The following GALNTL6 variants were observed in gnomAD, a reference collection of about 807,000 sequenced individuals.
The protein encoded by GALNTL6 is polypeptide N-acetylgalactosaminyltransferase-like 6.
Under a neutral mutation model 73.7 loss-of-function variants are expected in GALNTL6, and 46 were observed. The ratio of observed to expected loss-of-function variants is 0.62; its 90% confidence interval spans 0.49 to 0.80. GALNTL6 has a LOEUF of 0.80. GALNTL6 is among the 30% of genes least tolerant of loss of function. The pLI, the probability that GALNTL6 is intolerant of heterozygous loss-of-function variation, is 0.00. For missense variants in GALNTL6, 604 were observed against 755.0 expected (o/e 0.80, Z 2.34); for synonymous variants, 259 against 263.7 (o/e 0.98, Z 0.17).
intron 10 of GALNTL6, among the ~76,000 whole-genome samples, chr4:172,970,187 A>G (rs1299430059): frequency 6.6e-6 from 1 of 152,232 alleles, no homozygotes; most frequent in African/African-American, 2.4e-5. Context: ...GCAAGATCAC[A>G]AGGCAAGGGC....
At chr4:172,658,340 G>A (rs1205000285) in intron 5 of GALNTL6, among the ~76,000 whole-genome samples, 3 of 148,928 alleles carry the variant, frequency 2.0e-5, no homozygotes, top group African/African-American at 4.9e-5. Context: ...GGTGGCGGAC[G>A]CCTGTATTCC....
At chr4:172,047,582 ATAAAAG>A (rs1443711834) in intron 2 of GALNTL6, among the ~76,000 whole-genome samples, 6 of 152,318 alleles carry the variant, frequency 3.9e-5, no homozygotes, top group Admixed American at 3.3e-4. Flanking sequence ...TGCAGATTTA[ATAAAAG>A]TAAATTACTA....
chr4:172,670,711 A>G (rs1052064979), intron 5 of GALNTL6, among the ~76,000 whole-genome samples: 1 of 152,166 alleles, frequency 6.6e-6, no homozygotes, highest in African/African-American at 2.4e-5. Context: ...CATCTTCATT[A>G]TAAAATTTTT....
intron 5 of GALNTL6, among the ~76,000 whole-genome samples, chr4:172,407,455 T>C (rs1001324222): frequency 3.3e-5 from 5 of 152,132 alleles, no homozygotes; most frequent in African/African-American, 9.6e-5. Context: ...CTTATATTAA[T>C]GTCTACTATG....
At chr4:171,931,204 C>T (rs1738174461) in intron 2 of GALNTL6, among the ~76,000 whole-genome samples, 1 of 152,162 alleles carries the variant, frequency 6.6e-6, no homozygotes. Context: ...TTTTTAGAGA[C>T]AGGGCCTCAT....
At chr4:172,947,912 A>T (rs978235255) in intron 9 of GALNTL6, among the ~76,000 whole-genome samples, 1 of 152,228 alleles carries the variant, frequency 6.6e-6, no homozygotes, top group African/African-American at 2.4e-5. Flanking sequence ...TAAAAGACCA[A>T]TGAAACTCTC....
At chr4:171,948,984 CACAG>C (rs1386011915) in intron 2 of GALNTL6, among the ~76,000 whole-genome samples, 1 of 147,132 alleles carries the variant, frequency 6.8e-6, no homozygotes, top group Non-Finnish European at 1.5e-5. Context: ...CACACACACA[CACAG>C]ACATACACAC....
chr4:171,849,316 A>G (rs1735456362), intron 2 of GALNTL6, among the ~76,000 whole-genome samples: 1 of 152,218 alleles, frequency 6.6e-6, no homozygotes, highest in Non-Finnish European at 1.5e-5. Context: ...CAGCAGTCAG[A>G]ACACTCGCCA....
intron 5 of GALNTL6, among the ~76,000 whole-genome samples, chr4:172,498,500 A>G (rs1485578466): frequency 6.6e-6 from 1 of 152,114 alleles, no homozygotes; most frequent in African/African-American, 2.4e-5. Flanking sequence ...TTTTATATGT[A>G]TGTTATTAAT....
intron 10 of GALNTL6, 125 bp from the exon 11 acceptor site, chr4:173,009,053 C>A: frequency 1.5e-6 from 1 of 680,744 alleles, no homozygotes; most frequent in South Asian, 1.8e-5. Context: ...AATTCAAGGT[C>A]TCATTCAATA....
chr4:171,909,164 A>AAAT (rs1460098762), intron 2 of GALNTL6, among the ~76,000 whole-genome samples: 1 of 135,692 alleles, frequency 7.4e-6, no homozygotes. Context: ...ATAAATAAAT[A>AAAT]AAAAGAAAAA....
At position 171,850,018 on chromosome 4, in the gene GALNTL6, T is replaced by A. The variant is rs1048791223; in HGVS notation, c.138+35300T>A. ...TCTCACTGCCATGCCCAGGCTGGAG[T>A]GCAATGGTGCAATCTCGGCTCACTG... On this transcript the variant is annotated intron_variant, in intron 2 of 12. Coordinates refer to ENST00000506823, the MANE Select transcript of GALNTL6 (RefSeq NM_001034845.3). 5.3e-5 allele frequency among the ~76,000 whole-genome samples: 8 copies of A among 152,286 alleles called. No individual in the cohort carries two copies. The East Asian group carries it at 1.4e-3, about 26-fold the overall frequency.
chr4:173,037,653 G>C (rs1390169972), intron 12 of GALNTL6, among the ~76,000 whole-genome samples: 1 of 152,170 alleles, frequency 6.6e-6, no homozygotes, highest in East Asian at 1.9e-4. Context: ...AAAGAGAATA[G>C]AAACATGTCC....
At position 172,384,743 on chromosome 4, in the gene GALNTL6, C is replaced by T. The variant is rs567929698; in HGVS notation, c.553+36054C>T. ...CTGGCGTTTACAGACATAAATTTCC[C>T]TTTAAAGAATGCTTTAGCTGCATCC... On this transcript the variant is annotated intron_variant, in intron 5 of 12. Transcript: ENST00000506823. 2.0e-5 allele frequency among the ~76,000 whole-genome samples: 3 copies of T among 152,050 alleles called. No individual in the cohort carries two copies. The South Asian group carries it at 6.2e-4, about 32-fold the overall frequency.
intron 2 of GALNTL6, among the ~76,000 whole-genome samples, chr4:172,016,540 A>T (rs906494974): frequency 6.6e-6 from 1 of 151,978 alleles, no homozygotes; most frequent in Admixed American, 6.6e-5. Flanking sequence ...ATTGCTTACT[A>T]ATCAATAACC....
chr4:172,852,914 A>AT (rs1427079328), intron 7 of GALNTL6, among the ~76,000 whole-genome samples: 4 of 152,204 alleles, frequency 2.6e-5, no homozygotes, highest in Admixed American at 6.5e-5. Flanking sequence ...ATCACATAAA[A>AT]ATATATATAC....
At chr4:172,620,881 T>TAGAGGA (rs1738925942) in intron 5 of GALNTL6, among the ~76,000 whole-genome samples, 1 of 152,200 alleles carries the variant, frequency 6.6e-6, no homozygotes, top group Non-Finnish European at 1.5e-5. Flanking sequence ...CTACTTTGTG[T>TAGAGGA]TCCTGAACCA....
intron 5 of GALNTL6, among the ~76,000 whole-genome samples, chr4:172,359,689 C>G (rs1742295894): frequency 6.6e-6 from 1 of 152,112 alleles, no homozygotes; most frequent in Non-Finnish European, 1.5e-5. Context: ...AGCATCCCAT[C>G]AAACTGCCCC....
Position 171,953,096 on chromosome 4 carries a change from C to G in GALNTL6, c.138+138378C>G, listed in dbSNP as rs534140806. On this transcript the variant is annotated intron_variant, in intron 2 of 12. Coordinates refer to ENST00000506823, the MANE Select transcript of GALNTL6 (RefSeq NM_001034845.3). ...TAAGGACATAATGTTGAAAAGTATA[C>G]TTTACTGAAAGGCAATGAAAAAAAG... Among the ~76,000 whole-genome samples, 32 of 152,068 alleles carry G rather than the reference C, an allele frequency of 2.1e-4. 1 individual carries two copies. The South Asian group carries it at 6.4e-3, about 31-fold the overall frequency.
Sources: gnomAD v4.1 joint callset for allele counts (sites outside exome capture counted in the v4.1 genomes callset) on GRCh38, gnomAD v4.1.1 for gene constraint, MANE v1.5 for transcripts, NCBI Gene and HGNC (gene_info 2026-07-23, HGNC 2026-07-21) for gene names.